Variants in IL20RA observed in about 807,000 individuals in gnomAD.
The protein encoded by IL20RA is interleukin 20 receptor subunit alpha.
A neutral mutation model predicts 36.5 loss-of-function variants in IL20RA; 29 were observed. The observed-to-expected ratio is 0.79, with a 90% CI of 0.59 to 1.08. IL20RA has a LOEUF of 1.08. IL20RA is among the 50% of genes least tolerant of loss of function. IL20RA has a pLI of 0.00. For synonymous variants in IL20RA, 279 were observed against 267.1 expected, an observed-to-expected ratio of 1.04 and a Z score of -0.43; for missense variants, 652 against 668.4, an observed-to-expected ratio of 0.98 and a Z score of 0.27.
intron 5 of IL20RA, among the ~76,000 whole-genome samples, chr6:137,007,612 G>T (rs984219690): frequency 7.2e-5 from 11 of 152,198 alleles, no homozygotes; most frequent in African/African-American, 2.4e-4. Flanking sequence ...TGTGAAGGCA[G>T]AAAAATTAAA....
intron 4 of IL20RA, chr6:137,009,001 C>A: frequency 1.8e-6 from 1 of 546,456 alleles, no homozygotes. Flanking sequence ...ATTCATTGTC[C>A]TGGGTCCTTG....
At chr6:137,023,860 A>G (rs1775994863) in intron 1 of IL20RA, among the ~76,000 whole-genome samples, 1 of 152,190 alleles carries the variant, frequency 6.6e-6, no homozygotes, top group Non-Finnish European at 1.5e-5. Context: ...TAAGAAAGCC[A>G]AGGCAGGCAG....
Position 137,000,630 on chromosome 6 carries a change from T to A in IL20RA, c.*928A>T, listed in dbSNP as rs1458118581. ...TATATTTACTTATGGGTTTTAATAT[T>A]ATAAGAATAGAGGATATTCATTCAT... On this transcript the variant is annotated 3_prime_UTR_variant, in exon 7 of 7. Transcript: ENST00000316649. 2 of 152,194 alleles carry A rather than the reference T, an allele frequency of 1.3e-5. No individual in the cohort carries two copies. Among genetic ancestry groups the A allele is most frequent in the African/African-American group, 4.8e-5 (2 of 41,466 alleles). 9.4% of individuals were successfully genotyped at this position (152,194 alleles called of 1,614,324 possible). A position where few individuals can be genotyped will look rare whatever the true frequency, so the allele number is the denominator to read the frequency against.
intron 6 of IL20RA, among the ~76,000 whole-genome samples, chr6:137,003,277 G>C (rs1025502147): frequency 6.6e-6 from 1 of 152,160 alleles, no homozygotes; most frequent in African/African-American, 2.4e-5. Flanking sequence ...GAACTAACAG[G>C]AAACAAGGTA....
intron 6 of IL20RA, among the ~76,000 whole-genome samples, chr6:137,004,174 T>TTGTTTTTTTTTTTTG (rs1554211834): frequency 8.0e-6 from 1 of 124,450 alleles, no homozygotes; most frequent in Non-Finnish European, 1.7e-5. Context: ...TTTTTTTTTT[T>TTGTTTTTTTTTTTTG]TTTTTTTTTT....
At chr6:137,018,507 C>CGTGT (rs1167012234) in intron 1 of IL20RA, among the ~76,000 whole-genome samples, 35 of 89,130 alleles carry the variant, frequency 3.9e-4, no homozygotes, top group Non-Finnish European at 6.1e-4. Context: ...TGACCACTGC[C>CGTGT]GTGTGCGTGT....
rs1775383318 is a variant in IL20RA, at chr6:137,009,175, A to G, written c.579+142T>C. 4.0e-6 allele frequency: 3 copies of G among 757,450 alleles called. No homozygotes were observed. In the African/African-American group the frequency reaches 5.2e-5, roughly 13 times the overall value. 46.9% of individuals were successfully genotyped at this position (757,450 alleles called of 1,614,324 possible). ...AGTTCTGTAAAATTTCTGTATATAG[A>G]ACTTTATTTTGTGCGGCGTATCTTT... On this transcript the variant is annotated intron_variant, in intron 4 of 6. Coordinates refer to ENST00000316649, the MANE Select transcript of IL20RA (RefSeq NM_014432.4).
At chr6:137,017,299 A>T (rs949342248) in intron 1 of IL20RA, among the ~76,000 whole-genome samples, 196 bp from the exon 2 acceptor site, 3 of 152,232 alleles carry the variant, frequency 2.0e-5, no homozygotes, top group Non-Finnish European at 4.4e-5. Context: ...TTTTCAAAAA[A>T]ATTCCCGAGT....
chr6:137,001,568 A>G lies in IL20RA; in HGVS notation c.1652T>C (p.Met551Thr). 1.9e-6 allele frequency: 3 copies of G among 1,551,464 alleles called. No individual in the cohort carries two copies. Among genetic ancestry groups the G allele is most frequent in the Non-Finnish European group, 2.6e-6 (3 of 1,147,380 alleles). The change falls in exon 7 of 7, where the codon ATG becomes ACG. Residue 551 changes from methionine to threonine, a missense_variant. Physicochemically the swap from Met to Thr is moderately conservative, Grantham distance 81. Coordinates refer to ENST00000316649, the MANE Select transcript of IL20RA (RefSeq NM_014432.4). Reference sequence around the variant, plus strand: ...AAGGAAGTGTTGGCATCAGTTTTCCATCTGCACATATAACCCCCATTCCTC... The same window carrying G: ...AAGGAAGTGTTGGCATCAGTTTTCCGTCTGCACATATAACCCCCATTCCTC... ...FMEEWGLYVQMEN is the reference protein window; with the variant it reads ...FMEEWGLYVQTEN
intron 2 of IL20RA, among the ~76,000 whole-genome samples, chr6:137,013,604 T>A (rs2115381670): frequency 6.6e-6 from 1 of 152,350 alleles, no homozygotes; most frequent in South Asian, 2.1e-4. Flanking sequence ...TTTGAACCAC[T>A]CTTCCCTGAC....
chr6:137,042,834 G>A (rs1776749380), intron 1 of IL20RA: 1 of 152,166 alleles, frequency 6.6e-6, no homozygotes, highest in South Asian at 2.1e-4. Context: ...TTGTACAGAA[G>A]ACATTGTAGA....
chr6:137,013,299 C>T (rs1775561875), intron 2 of IL20RA, among the ~76,000 whole-genome samples: 1 of 152,190 alleles, frequency 6.6e-6, no homozygotes, highest in African/African-American at 2.4e-5. Context: ...GGCAGCTTCC[C>T]ATGACAGATG....
chr6:137,042,908 C>T (rs1776753514), intron 1 of IL20RA: 1 of 152,144 alleles, frequency 6.6e-6, no homozygotes, highest in Non-Finnish European at 1.5e-5. Context: ...GGTGGTCTTC[C>T]CAGCAGTCCT....
At chr6:137,004,295 C>T (rs914997539) in intron 6 of IL20RA, among the ~76,000 whole-genome samples, 1 of 151,578 alleles carries the variant, frequency 6.6e-6, no homozygotes, top group Non-Finnish European at 1.5e-5. Flanking sequence ...CCTGTCTCAG[C>T]CTCCCGAGTA....
Position 137,017,306 on chromosome 6 carries a change from G to C in IL20RA, c.89-203C>G, listed in dbSNP as rs78048833. On this transcript the variant is annotated intron_variant, in intron 1 of 6. Coordinates refer to ENST00000316649, the MANE Select transcript of IL20RA (RefSeq NM_014432.4). ...ACTTTTGCTTTTCAAAAAAATTCCC[G>C]AGTTGCTATGTAAAATAACAGCTAA... Among the ~76,000 whole-genome samples the C allele has an allele frequency of 5.3e-5, 8 of 152,260 alleles. No individual in the cohort carries two copies. In the East Asian group the frequency reaches 1.5e-3, roughly 29 times the overall value.
chr6:137,041,970 AC>A (rs1200727616), intron 1 of IL20RA, among the ~76,000 whole-genome samples: 10 of 149,658 alleles, frequency 6.7e-5, no homozygotes, highest in Non-Finnish European at 1.2e-4. Context: ...CCTAGCCCCC[AC>A]CCCCCGACAG....
At chr6:137,030,613 A>C (rs1776244985) in intron 1 of IL20RA, among the ~76,000 whole-genome samples, 1 of 152,194 alleles carries the variant, frequency 6.6e-6, no homozygotes, top group South Asian at 2.1e-4. Context: ...TGCACATGTG[A>C]CATTGTCCTT....
intron 1 of IL20RA, among the ~76,000 whole-genome samples, chr6:137,032,788 A>G (rs1369866796): frequency 2.0e-5 from 3 of 152,196 alleles, no homozygotes; most frequent in Non-Finnish European, 2.9e-5. Flanking sequence ...AATTGTTTTG[A>G]GGGTGACCAG....
Position 137,000,308 on chromosome 6 carries a change from T to C in IL20RA, c.*1250A>G, listed in dbSNP as rs1774985938. On this transcript the variant is annotated 3_prime_UTR_variant, in exon 7 of 7. Transcript: ENST00000316649. Reference sequence around the variant, plus strand: ...AGAGCATCAATGGATTATGAGTTCATGACTAAAACAAATATATATTAAGGC... The same window carrying C: ...AGAGCATCAATGGATTATGAGTTCACGACTAAAACAAATATATATTAAGGC... 6.6e-6 allele frequency: 1 copy of C among 152,202 alleles called. No individual in the cohort carries two copies. The highest frequency in any genetic ancestry group is 1.5e-5 in the Non-Finnish European group (1 of 68,030). The allele number at this position is 152,202 out of a possible 1,614,324, so 9.4% of individuals were successfully genotyped here. A position where few individuals can be genotyped will look rare whatever the true frequency, so the allele number is the denominator to read the frequency against.
Sources: gnomAD v4.1 joint callset for allele counts (sites outside exome capture counted in the v4.1 genomes callset) on GRCh38, gnomAD v4.1.1 for gene constraint, MANE v1.5 for transcripts, NCBI Gene and HGNC (gene_info 2026-07-23, HGNC 2026-07-21) for gene names.